HIVEP3: variants seen among roughly 807,000 people sequenced by gnomAD.
HIVEP3 encodes the protein transcription factor HIVEP3.
Under a neutral mutation model 152.8 loss-of-function variants are expected in HIVEP3, and 49 were observed. That is an observed-to-expected ratio of 0.32 (90% confidence interval 0.26 to 0.41). The LOEUF is 0.41. HIVEP3 is among the 10% of genes least tolerant of loss of function. The pLI is 1.00. For synonymous variants in HIVEP3, 1,269 were observed against 1,289.0 expected, an observed-to-expected ratio of 0.98 and a Z score of 0.33; for missense variants, 2,790 against 3,103.3, an observed-to-expected ratio of 0.90 and a Z score of 2.40.
At chr1:41,787,000 C>A (rs754666292) in intron 1 of HIVEP3, among the ~76,000 whole-genome samples, 3 of 152,120 alleles carry the variant, frequency 2.0e-5, no homozygotes, top group Non-Finnish European at 4.4e-5. Context: ...GATCCGCCCA[C>A]CTCAGCCTTC....
chr1:41,782,949 T>A (rs1473724216), intron 1 of HIVEP3, among the ~76,000 whole-genome samples: 2 of 152,164 alleles, frequency 1.3e-5, no homozygotes, highest in African/African-American at 2.4e-5. Flanking sequence ...CCACACTCCC[T>A]GTCAATGTCA....
chr1:41,850,697 G>T (rs932057537), intron 1 of HIVEP3, among the ~76,000 whole-genome samples: 9 of 152,178 alleles, frequency 5.9e-5, no homozygotes, highest in African/African-American at 1.9e-4. Flanking sequence ...GCAATTCTTG[G>T]TTCCCTCCAA....
At chr1:41,621,858 C>T (rs1645051957) in intron 3 of HIVEP3, among the ~76,000 whole-genome samples, 2 of 152,312 alleles carry the variant, frequency 1.3e-5, no homozygotes, top group South Asian at 4.1e-4. Flanking sequence ...CTTGGAAAGA[C>T]TTCCTGACCT....
Position 41,752,109 on chromosome 1 carries a change from A to T in HIVEP3, c.-800-51114T>A, listed in dbSNP as rs546269834. Among the ~76,000 whole-genome samples the T allele has an allele frequency of 5.3e-5, 8 of 152,324 alleles. No homozygotes were observed. In the East Asian group the frequency reaches 1.5e-3, roughly 29 times the overall value. The stretch of plus-strand genomic sequence containing the variant: ...TCCTTCTCTGGTTCCTCACTGCACA[A>T]CAAGTCCACTGGACTGCCTTTCTGT... On this transcript the variant is annotated intron_variant, in intron 1 of 8. Transcript: ENST00000372583.
At chr1:41,877,900 T>G (rs995545818) in intron 1 of HIVEP3, among the ~76,000 whole-genome samples, 1 of 152,154 alleles carries the variant, frequency 6.6e-6, no homozygotes, top group Non-Finnish European at 1.5e-5. Context: ...TCAGATAATC[T>G]AAATCAGGTA....
intron 1 of HIVEP3, among the ~76,000 whole-genome samples, chr1:41,714,229 C>G (rs1259776391): frequency 6.6e-6 from 1 of 151,930 alleles, no homozygotes; most frequent in Admixed American, 6.5e-5. Context: ...TAATTCAAGG[C>G]AGTGGGGAGC....
At chr1:41,870,190 A>C (rs1644053888) in intron 1 of HIVEP3, among the ~76,000 whole-genome samples, 1 of 151,994 alleles carries the variant, frequency 6.6e-6, no homozygotes, top group Non-Finnish European at 1.5e-5. Flanking sequence ...CACCATCCTC[A>C]TCTGGCTGAT....
rs553485470 is a variant in HIVEP3, at chr1:41,682,650, G to A, written c.-721+18266C>T. ...CAGCCGGGGACAGGTGGTGCCTAGG[G>A]ATGCAGGACCTCTTGGTGGTAGAGA... On this transcript the variant is annotated intron_variant, in intron 2 of 8. Coordinates refer to ENST00000372583, the MANE Select transcript of HIVEP3 (RefSeq NM_024503.5). Among the ~76,000 whole-genome samples the A allele has an allele frequency of 4.0e-3, 611 of 152,258 alleles. 2 individuals carry two copies. Among genetic ancestry groups the A allele is most frequent in the African/African-American group, 0.014 (567 of 41,560 alleles).
At chr1:41,619,206 G>A (rs1645011994) in intron 3 of HIVEP3, among the ~76,000 whole-genome samples, 1 of 151,934 alleles carries the variant, frequency 6.6e-6, no homozygotes, top group Non-Finnish European at 1.5e-5. Flanking sequence ...GCCTCCGCCT[G>A]GAATACTCTT....
chr1:41,960,700 C>T (rs770265045), intron 1 of HIVEP3, among the ~76,000 whole-genome samples: 8 of 152,166 alleles, frequency 5.3e-5, no homozygotes, highest in Non-Finnish European at 1.0e-4. Flanking sequence ...CCCATCTAGG[C>T]CCTGTTTCTA....
intron 2 of HIVEP3, among the ~76,000 whole-genome samples, chr1:41,686,159 C>T (rs1448466181): frequency 6.6e-6 from 1 of 152,176 alleles, no homozygotes; most frequent in African/African-American, 2.4e-5. Context: ...ACAACCTCTA[C>T]CTCCTGGGTT....
At chr1:41,782,625 G>A (rs534613953) in intron 1 of HIVEP3, among the ~76,000 whole-genome samples, 19 of 151,954 alleles carry the variant, frequency 1.3e-4, no homozygotes, top group Admixed American at 9.8e-4. Flanking sequence ...CCAGCTATTC[G>A]GGAGGCTGAG....
chr1:41,790,723 A>G (rs116305307), intron 1 of HIVEP3, among the ~76,000 whole-genome samples: 1,864 of 152,198 alleles, frequency 0.012, 42 homozygotes, highest in African/African-American at 0.042. Context: ...TCTGACTACA[A>G]AACCTTCAGC....
rs144588574 is a variant in HIVEP3, at chr1:41,939,279, G to T, written n.120-20755C>A. On this transcript the variant is annotated intron_variant and non_coding_transcript_variant, in intron 1 of 3. Transcript: ENST00000489103. ...ATTTTATTTTGGAAGCCCTCTGTGTGTCCCTCTTTGGTTTCATTTCATTTT... is the reference window on the plus strand; with the variant it reads ...ATTTTATTTTGGAAGCCCTCTGTGTTTCCCTCTTTGGTTTCATTTCATTTT... Among the ~76,000 whole-genome samples, 394 of 152,272 alleles carry T rather than the reference G, an allele frequency of 2.6e-3. 1 individual carries two copies. The highest frequency in any genetic ancestry group is 8.4e-3 in the African/African-American group (350 of 41,550).
At chr1:41,680,531 C>T (rs1366136840) in intron 2 of HIVEP3, among the ~76,000 whole-genome samples, 1 of 152,228 alleles carries the variant, frequency 6.6e-6, no homozygotes, top group African/African-American at 2.4e-5. Context: ...TGATAGCTGT[C>T]TCAGTCCCAC....
chr1:41,954,597 G>A (rs574846255), intron 1 of HIVEP3, among the ~76,000 whole-genome samples: 2 of 152,324 alleles, frequency 1.3e-5, no homozygotes, highest in Admixed American at 6.5e-5. Flanking sequence ...CTGAGCAGGG[G>A]GTCATGGCCA....
chr1:41,559,185 C>T (rs1252256005), intron 5 of HIVEP3, among the ~76,000 whole-genome samples: 4 of 152,166 alleles, frequency 2.6e-5, no homozygotes, highest in African/African-American at 9.7e-5. Context: ...GCAGACTCCA[C>T]TTGTCCAGAA....
At chr1:41,913,297 C>A (rs1183666884) in intron 1 of HIVEP3, among the ~76,000 whole-genome samples, 1 of 152,218 alleles carries the variant, frequency 6.6e-6, no homozygotes, top group Admixed American at 6.5e-5. Flanking sequence ...GATGTATCCA[C>A]TGAAAATGTC....
chr1:42,012,797 C>A (rs1193226354), intron 1 of HIVEP3, among the ~76,000 whole-genome samples: 17 of 152,202 alleles, frequency 1.1e-4, no homozygotes, highest in Non-Finnish European at 4.4e-5. Flanking sequence ...AGGGCCCTCA[C>A]CAGAACCCAA....
Sources: allele counts gnomAD v4.1 joint callset (sites outside exome capture counted in the v4.1 genomes callset), GRCh38; gene constraint gnomAD v4.1.1; transcripts MANE v1.5; gene names NCBI Gene and HGNC (gene_info 2026-07-23, HGNC 2026-07-21).